DIP2C: variants seen among roughly 807,000 people sequenced by gnomAD.
The protein encoded by DIP2C is DIP2 acetate--CoA ligase C (putative), also known as disco-interacting protein 2 homolog C.
Under a neutral mutation model 192.4 loss-of-function variants are expected in DIP2C, and 33 were observed. That is an observed-to-expected ratio of 0.17 (90% CI 0.13 to 0.23). The LOEUF is 0.23. Among genes scored for constraint, DIP2C ranks in the 10% least tolerant of loss-of-function variants. The pLI is 1.00. For missense variants in DIP2C, 1,537 were observed against 2,110.1 expected, an observed-to-expected ratio of 0.73 and a Z score of 5.32; for synonymous variants, 979 against 864.1, an observed-to-expected ratio of 1.13 and a Z score of -2.33.
At chr10:337,403 C>A (rs56154117) in intron 29 of DIP2C, among the ~76,000 whole-genome samples, 50,711 of 116,974 alleles carry the variant, frequency 0.43, 10,486 homozygotes, top group Non-Finnish European at 0.54. Flanking sequence ...TGGAGGCCTA[C>A]GTAGCTGTGT....
chr10:510,495 A>C (rs2130766937), intron 1 of DIP2C, among the ~76,000 whole-genome samples: 1 of 152,302 alleles, frequency 6.6e-6, no homozygotes, highest in South Asian at 2.1e-4. Context: ...GGTTCTCGTG[A>C]CCACCTTCCG....
intron 15 of DIP2C, 42 bp downstream of exon 15, chr10:384,504 C>T (rs781438300): frequency 9.4e-6 from 15 of 1,600,164 alleles, no homozygotes; most frequent in African/African-American, 2.7e-5. Context: ...TCCTAAAGCG[C>T]TGGGATTACA....
intron 31 of DIP2C, among the ~76,000 whole-genome samples, chr10:317,672 C>T (rs900461412): frequency 6.6e-6 from 1 of 152,226 alleles, no homozygotes; most frequent in East Asian, 1.9e-4. Flanking sequence ...TGTGCAGTTA[C>T]ACCCCTCAGA....
At chr10:433,555 C>T (rs1368981185) in intron 4 of DIP2C, among the ~76,000 whole-genome samples, 3 of 152,104 alleles carry the variant, frequency 2.0e-5, no homozygotes, top group Non-Finnish European at 2.9e-5. Context: ...ATGACAAATG[C>T]CTGTAGTCCC....
At chr10:674,161 C>T (rs568401225) in intron 1 of DIP2C, among the ~76,000 whole-genome samples, 1 of 152,276 alleles carries the variant, frequency 6.6e-6, no homozygotes, top group East Asian at 1.9e-4. Context: ...AAGATATAGA[C>T]TGGCTGAGTG....
At chr10:337,736 T>TTC (rs1188725106) in intron 29 of DIP2C, among the ~76,000 whole-genome samples, 168 of 85,426 alleles carry the variant, frequency 2.0e-3, no homozygotes, top group Middle Eastern at 7.2e-3. Flanking sequence ...TGTGTGTGTG[T>TTC]TGTGGAGGAC....
At chr10:674,912 G>A (rs373968761) in intron 1 of DIP2C, among the ~76,000 whole-genome samples, 4 of 149,568 alleles carry the variant, frequency 2.7e-5, no homozygotes, top group East Asian at 4.0e-4. Flanking sequence ...ACAAAATATC[G>A]AATTTAAAGT....
chr10:469,868 T>A (rs528177838), intron 3 of DIP2C, among the ~76,000 whole-genome samples: 2 of 152,306 alleles, frequency 1.3e-5, no homozygotes, highest in African/African-American at 4.8e-5. Context: ...CCCAAATGTG[T>A]CACACTCCCT....
intron 13 of DIP2C, among the ~76,000 whole-genome samples, chr10:389,629 C>A (rs915087586): frequency 6.6e-6 from 1 of 152,184 alleles, no homozygotes; most frequent in South Asian, 2.1e-4. Context: ...GTGTGGAGAG[C>A]GCACCTTTCA....
intron 1 of DIP2C, among the ~76,000 whole-genome samples, chr10:509,791 C>T (rs1227597220): frequency 1.3e-5 from 2 of 152,122 alleles, no homozygotes; most frequent in Non-Finnish European, 2.9e-5. Context: ...GCAGTCTCCT[C>T]CCAGCCCACG....
chr10:521,021 T>C (rs1292065863), intron 1 of DIP2C, among the ~76,000 whole-genome samples: 3 of 152,184 alleles, frequency 2.0e-5, no homozygotes, highest in African/African-American at 7.2e-5. Context: ...ATATGACAAG[T>C]AGGTATTACA....
rs569294982 is a variant in DIP2C, at chr10:435,740, T to C, written c.394+5131A>G. ...GATTATCACGTATGGAACCTGAAAC[T>C]CCCCAACTCCATTGTAATAAAAAGT... On this transcript the variant is annotated intron_variant, in intron 4 of 36. Transcript: ENST00000280886. 2.6e-5 allele frequency among the ~76,000 whole-genome samples: 4 copies of C among 152,308 alleles called. No individual in the cohort carries two copies. In the East Asian group the frequency reaches 5.8e-4, roughly 22 times the overall value.
At position 417,885 on chromosome 10, in the gene DIP2C, C is replaced by T. The variant is rs796296733; in HGVS notation, c.739+1180G>A. On this transcript the variant is annotated intron_variant, in intron 6 of 36. Transcript: ENST00000280886. The stretch of plus-strand genomic sequence containing the variant: ...TCGGACAGGCCTCCCTGTCCACCTG[C>T]ACCTGTCAGGGCTCGGATAGGCCTC... 7.1e-4 allele frequency among the ~76,000 whole-genome samples: 51 copies of T among 71,832 alleles called. 8 individuals are homozygous for T. The highest frequency in any genetic ancestry group is 1.7e-3 in the African/African-American group (28 of 16,426). The allele number at this position is 71,832 out of a possible 152,430, so 47.1% of individuals were successfully genotyped here.
intron 1 of DIP2C, among the ~76,000 whole-genome samples, chr10:677,705 A>G (rs1225169608): frequency 6.6e-6 from 1 of 152,220 alleles, no homozygotes; most frequent in Non-Finnish European, 1.5e-5. Context: ...AGGAAAGCTT[A>G]TGAGAGTAGG....
At chr10:417,456 AAAT>A (rs1965719168) in intron 6 of DIP2C, among the ~76,000 whole-genome samples, 2 of 152,252 alleles carry the variant, frequency 1.3e-5, no homozygotes, top group Admixed American at 1.3e-4. Flanking sequence ...GAACTAAAGC[AAAT>A]AATGACACCA....
chr10:382,632 A>G lies in DIP2C; in HGVS notation c.1991+15T>C. The stretch of plus-strand genomic sequence containing the variant: ...TGTCTCTAGGTTATCTACGTAAATC[A>G]ACATGACCCAGTACCTCCGGATGGC... On this transcript the variant is annotated intron_variant, in intron 17 of 36. Transcript: ENST00000280886. 6.2e-7 allele frequency: 1 copy of G among 1,600,314 alleles called. No individual in the cohort carries two copies. The highest frequency in any genetic ancestry group is 1.1e-5 in the South Asian group (1 of 89,966).
intron 29 of DIP2C, among the ~76,000 whole-genome samples, chr10:338,504 C>A (rs1181194707): frequency 6.6e-6 from 1 of 152,174 alleles, no homozygotes; most frequent in South Asian, 2.1e-4. Flanking sequence ...GACACACGAC[C>A]ACTTACCATC....
At chr10:541,414 A>AC (rs1847976135) in intron 1 of DIP2C, among the ~76,000 whole-genome samples, 1 of 151,116 alleles carries the variant, frequency 6.6e-6, no homozygotes, top group African/African-American at 2.4e-5. Context: ...CCTGCACCCC[A>AC]CATCGTGACC....
intron 1 of DIP2C, among the ~76,000 whole-genome samples, chr10:671,288 G>A (rs1026956402): frequency 4.6e-5 from 7 of 152,248 alleles, no homozygotes; most frequent in Admixed American, 6.5e-5. Context: ...CTCACAGACA[G>A]AGGAAACACC....
Sources: allele counts gnomAD v4.1 joint callset (sites outside exome capture counted in the v4.1 genomes callset), GRCh38; gene constraint gnomAD v4.1.1; transcripts MANE v1.5; gene names NCBI Gene and HGNC (gene_info 2026-07-23, HGNC 2026-07-21).